Variants in FHIT observed in about 807,000 individuals in gnomAD.
The protein encoded by FHIT is bis(5'-adenosyl)-triphosphatase.
In FHIT, 19 loss-of-function variants were observed where a neutral mutation model predicts 17.9. The observed-to-expected ratio is 1.06, with a 90% CI of 0.74 to 1.56. The LOEUF (loss-of-function observed/expected upper bound fraction) is 1.56, where lower values mean the gene tolerates loss of function less well. Among genes scored for constraint, FHIT ranks in the 40% most tolerant of loss-of-function variants. The probability of loss-of-function intolerance (pLI) is 0.00; values close to 1 mark genes in which losing one functional copy is unlikely to be tolerated. For missense variants in FHIT, 248 were observed against 189.2 expected (o/e 1.31, Z -1.82); for synonymous variants, 81 against 69.7 (o/e 1.16, Z -0.81).
intron 4 of FHIT, among the ~76,000 whole-genome samples, chr3:60,818,312 T>C (rs1189229379): frequency 6.6e-6 from 1 of 152,204 alleles, no homozygotes; most frequent in Non-Finnish European, 1.5e-5. Context: ...TTTGGGGTTG[T>C]ATGATATGCA....
At chr3:61,143,010 A>C (rs2037129238) in intron 2 of FHIT, among the ~76,000 whole-genome samples, 1 of 152,148 alleles carries the variant, frequency 6.6e-6, no homozygotes, top group Non-Finnish European at 1.5e-5. Flanking sequence ...ATCTTTAGTA[A>C]ATTTCAGATT....
intron 5 of FHIT, among the ~76,000 whole-genome samples, chr3:60,088,787 A>C (rs1295184123): frequency 7.6e-6 from 1 of 131,480 alleles, no homozygotes; most frequent in Non-Finnish European, 1.6e-5. Flanking sequence ...AAACATAATT[A>C]ATTGGATAAG....
At chr3:59,752,424 A>G (rs1700966415) in intron 8 of FHIT, 103 bp from the exon 9 acceptor site, 1 of 667,274 alleles carries the variant, frequency 1.5e-6, no homozygotes, top group Non-Finnish European at 2.6e-6. Flanking sequence ...TGCAAATTAG[A>G]GGCCAGTAGG....
chr3:60,100,593 A>T lies in FHIT; in HGVS notation c.104-86441T>A, dbSNP rs149347510. 1.8e-4 allele frequency among the ~76,000 whole-genome samples: 27 copies of T among 152,262 alleles called. No individual in the cohort carries two copies. The East Asian group carries it at 5.2e-3, about 29-fold the overall frequency. ...GCTGACCCCGAGTGGTTCCAGTCCC[A>T]TCATTCCAGAAACCCCTCTCTGGTC... On this transcript the variant is annotated intron_variant, in intron 5 of 9. Transcript: ENST00000492590.
intron 3 of FHIT, among the ~76,000 whole-genome samples, chr3:60,851,813 A>C (rs1310663278): frequency 6.6e-6 from 1 of 152,128 alleles, no homozygotes; most frequent in Non-Finnish European, 1.5e-5. Context: ...AAAATAAAAC[A>C]AGCCAGTACT....
At chr3:60,512,295 A>G (rs969040291) in intron 5 of FHIT, among the ~76,000 whole-genome samples, 2 of 152,214 alleles carry the variant, frequency 1.3e-5, no homozygotes, top group African/African-American at 4.8e-5. Context: ...AATCAGTAAC[A>G]GCCCTTTATT....
At chr3:60,988,781 GT>G (rs1403103029) in intron 3 of FHIT, among the ~76,000 whole-genome samples, 1 of 151,966 alleles carries the variant, frequency 6.6e-6, no homozygotes, top group Non-Finnish European at 1.5e-5. Flanking sequence ...AAGTCTCCTA[GT>G]TTTAAACAAC....
intron 5 of FHIT, among the ~76,000 whole-genome samples, chr3:60,258,474 T>C (rs2107605211): frequency 6.6e-6 from 1 of 152,264 alleles, no homozygotes; most frequent in East Asian, 1.9e-4. Context: ...GTCCAGTGCA[T>C]TATATCTTTG....
intron 8 of FHIT, among the ~76,000 whole-genome samples, chr3:59,871,271 G>C (rs1392032831): frequency 6.6e-6 from 1 of 152,106 alleles, no homozygotes; most frequent in Admixed American, 6.5e-5. Context: ...GCCAGTGAGA[G>C]CAATATCAGA....
intron 5 of FHIT, among the ~76,000 whole-genome samples, chr3:60,120,244 A>G (rs1232410011): frequency 6.6e-6 from 1 of 152,216 alleles, no homozygotes; most frequent in Non-Finnish European, 1.5e-5. Context: ...CTGGCAGCAG[A>G]AACTGGGCCT....
At chr3:60,958,757 A>T (rs1709284546) in intron 3 of FHIT, among the ~76,000 whole-genome samples, 1 of 152,234 alleles carries the variant, frequency 6.6e-6, no homozygotes, top group South Asian at 2.1e-4. Context: ...CTAAGTTATG[A>T]CAGATTAACT....
intron 4 of FHIT, among the ~76,000 whole-genome samples, chr3:60,721,833 C>G (rs1553708143): frequency 1.3e-5 from 2 of 151,860 alleles, no homozygotes; most frequent in Non-Finnish European, 2.9e-5. Context: ...TTTCAAGCAC[C>G]CAGAAAAACC....
chr3:60,787,057 T>C (rs1400089842), intron 4 of FHIT, among the ~76,000 whole-genome samples: 2 of 151,628 alleles, frequency 1.3e-5, no homozygotes, highest in African/African-American at 4.8e-5. Flanking sequence ...GTCTCCATCC[T>C]TAAATATTTT....
intron 2 of FHIT, among the ~76,000 whole-genome samples, chr3:61,081,130 A>G (rs1459912930): frequency 6.6e-6 from 1 of 152,180 alleles, no homozygotes; most frequent in Non-Finnish European, 1.5e-5. Context: ...AGAAAGGGAA[A>G]TGTAGCTAAT....
At chr3:61,049,643 G>C (rs2033951804) in intron 2 of FHIT, among the ~76,000 whole-genome samples, 1 of 152,032 alleles carries the variant, frequency 6.6e-6, no homozygotes, top group African/African-American at 2.4e-5. Context: ...AAGTATTCTT[G>C]CCTAAAAAAT....
At chr3:61,015,099 G>A (rs1289225777) in intron 3 of FHIT, among the ~76,000 whole-genome samples, 1 of 151,898 alleles carries the variant, frequency 6.6e-6, no homozygotes, top group Non-Finnish European at 1.5e-5. Flanking sequence ...AGCTGTCAGA[G>A]TGAAACTTAA....
At chr3:60,686,019 A>C (rs1390239168) in intron 4 of FHIT, among the ~76,000 whole-genome samples, 2 of 152,152 alleles carry the variant, frequency 1.3e-5, no homozygotes, top group Non-Finnish European at 2.9e-5. Flanking sequence ...GGCAATAAAT[A>C]TTCTGTTTTT....
At chr3:60,648,144 T>C (rs1435059081) in intron 4 of FHIT, among the ~76,000 whole-genome samples, 1 of 151,976 alleles carries the variant, frequency 6.6e-6, no homozygotes, top group Non-Finnish European at 1.5e-5. Flanking sequence ...AGGGAGTGGG[T>C]AGAGGGAACC....
intron 7 of FHIT, among the ~76,000 whole-genome samples, chr3:59,989,172 G>A (rs1196050106): frequency 1.3e-5 from 2 of 151,916 alleles, no homozygotes; most frequent in African/African-American, 2.4e-5. Flanking sequence ...ATTTCCTTTC[G>A]GGAAAGGCAG....
Sources: gnomAD v4.1 joint callset for allele counts (sites outside exome capture counted in the v4.1 genomes callset) on GRCh38, gnomAD v4.1.1 for gene constraint, MANE v1.5 for transcripts, NCBI Gene and HGNC (gene_info 2026-07-23, HGNC 2026-07-21) for gene names.